WDFY3: variants seen among roughly 807,000 people sequenced by gnomAD.
WDFY3 encodes WD repeat and FYVE domain-containing protein 3.
Under a neutral mutation model 409.6 loss-of-function variants are expected in WDFY3, and 66 were observed. That is an observed-to-expected ratio of 0.16 (90% CI 0.13 to 0.20). The LOEUF (loss-of-function observed/expected upper bound fraction) is 0.20, where lower values mean the gene tolerates loss of function less well. WDFY3 is among the 10% of genes least tolerant of loss of function. The pLI is 1.00. For missense variants in WDFY3, 3,031 were observed against 4,298.1 expected (o/e 0.71, Z 8.24); for synonymous variants, 1,521 against 1,537.1 (o/e 0.99, Z 0.25).
At chr4:84,940,934 T>C (rs1320897923) in intron 1 of WDFY3, among the ~76,000 whole-genome samples, 5 of 152,146 alleles carry the variant, frequency 3.3e-5, no homozygotes, top group African/African-American at 4.8e-5. Flanking sequence ...ATAATCTCAA[T>C]AGATATTTTA....
chr4:84,901,892 G>A (rs1277238106), intron 2 of WDFY3, among the ~76,000 whole-genome samples: 1 of 152,182 alleles, frequency 6.6e-6, no homozygotes, highest in Non-Finnish European at 1.5e-5. Flanking sequence ...GTTGATATCT[G>A]AGGGTGAATA....
Position 84,786,038 on chromosome 4 carries a change from T to C in WDFY3, c.4003A>G (p.Thr1335Ala). Residue 1335 changes from threonine (T) to alanine (A), a missense_variant, in exon 24 of 68, where the codon ACA becomes GCA. Around this residue, in one of 16 missense-constraint regions of WDFY3, gnomAD observed 1,322 missense variants for 1,697.9 expected, o/e 0.78. Coordinates refer to ENST00000295888, the MANE Select transcript of WDFY3 (RefSeq NM_014991.6). The part of the protein sequence containing the change: ...GLYALSVSSL[T>A]VARIRKVYNK... ...TACACTTTCCGGATTCTTGCCACTG[T>C]TAGAGACGACACAGAGAGTGCATAG... The C allele has an allele frequency of 6.2e-7, 1 of 1,614,060 alleles. No homozygotes were observed. The highest frequency in any genetic ancestry group is 8.5e-7 in the Non-Finnish European group (1 of 1,179,974).
In WDFY3 at chr4:84,829,203, ATAAT is replaced by A; in HGVS notation, c.770-17_770-14del. ...AAACACTCTTTCTCTGTAAGAATAG[ATAAT>A]TAAATAAATATGCATTATTCCTGAC... On this transcript the variant is annotated splice_polypyrimidine_tract_variant and intron_variant, in intron 8 of 67. Transcript: ENST00000295888. 1.3e-6 allele frequency: 2 copies of A among 1,518,560 alleles called. No individual in the cohort carries two copies. The highest frequency in any genetic ancestry group is 2.3e-5 in the East Asian group (1 of 43,122). The allele number at this position is 1,518,560 out of a possible 1,614,324, so 94.1% of individuals were successfully genotyped here.
At chr4:84,718,607 T>G in intron 47 of WDFY3, 37 bp from the exon 48 acceptor site, 1 of 1,587,384 alleles carries the variant, frequency 6.3e-7, no homozygotes, top group Non-Finnish European at 8.6e-7. Flanking sequence ...TAATATAGGC[T>G]TTTTGTAAAG....
intron 4 of WDFY3, among the ~76,000 whole-genome samples, chr4:84,858,489 CACA>C (rs1461438717): frequency 6.6e-5 from 10 of 151,754 alleles, no homozygotes; most frequent in Non-Finnish European, 1.3e-4. Context: ...ATATTAATAG[CACA>C]ACATTACTCT....
At chr4:84,907,521 C>G (rs1012141095) in intron 2 of WDFY3, among the ~76,000 whole-genome samples, 7 of 152,162 alleles carry the variant, frequency 4.6e-5, no homozygotes, top group Non-Finnish European at 7.3e-5. Flanking sequence ...AAGTGATCCT[C>G]TAGTCCCAGT....
chr4:84,802,337 G>A (rs1750738075), intron 16 of WDFY3, among the ~76,000 whole-genome samples: 1 of 146,332 alleles, frequency 6.8e-6, no homozygotes, highest in Non-Finnish European at 1.5e-5. Flanking sequence ...TCGGCTCACT[G>A]CAACCTCCGC....
chr4:84,963,267 T>A (rs905346285), intron 1 of WDFY3, among the ~76,000 whole-genome samples: 1 of 151,072 alleles, frequency 6.6e-6, no homozygotes, highest in African/African-American at 2.4e-5. Context: ...CCACTAAAAA[T>A]ACAAAAATTA....
At chr4:84,722,949 G>T (rs979602745) in intron 46 of WDFY3, among the ~76,000 whole-genome samples, 2 of 152,166 alleles carry the variant, frequency 1.3e-5, no homozygotes, top group Non-Finnish European at 2.9e-5. Flanking sequence ...GCTTACAGCT[G>T]CTTTATTTTT....
intron 38 of WDFY3, 136 bp downstream of exon 38, chr4:84,741,625 C>T (rs1738445422): frequency 1.9e-6 from 2 of 1,070,556 alleles, no homozygotes; most frequent in Non-Finnish European, 1.3e-6. Flanking sequence ...TGTCTCTATT[C>T]ACTTTTAATA....
At chr4:84,685,664 T>C (rs764489390) in intron 62 of WDFY3, among the ~76,000 whole-genome samples, 13 of 152,206 alleles carry the variant, frequency 8.5e-5, no homozygotes, top group African/African-American at 7.2e-5. Context: ...CAAAGTGGCT[T>C]TGGCCTGAAG....
chr4:84,897,898 TAAC>T (rs1765850916), intron 2 of WDFY3, among the ~76,000 whole-genome samples: 1 of 152,182 alleles, frequency 6.6e-6, no homozygotes, highest in Admixed American at 6.5e-5. Flanking sequence ...TATTTAGAGA[TAAC>T]AACTATTAAA....
At position 84,932,286 on chromosome 4, in the gene WDFY3, G is replaced by A. The variant is rs1770862361; in HGVS notation, c.-148C>T. The A allele has an allele frequency of 6.6e-6, 1 of 152,082 alleles. No homozygotes were observed. Among genetic ancestry groups the A allele is most frequent in the Non-Finnish European group, 1.5e-5 (1 of 68,030 alleles). The allele number at this position is 152,082 out of a possible 1,614,324, so 9.4% of individuals were successfully genotyped here. On this transcript the variant is annotated 5_prime_UTR_variant, in exon 2 of 68. Transcript: ENST00000295888. ...AAAACTGACCTGATTCTCTGTTCTG[G>A]GCTGGCATGAACCTGCTTAGAAATG...
chr4:84,907,637 CTG>C (rs1409353331), intron 2 of WDFY3, among the ~76,000 whole-genome samples: 2 of 152,172 alleles, frequency 1.3e-5, no homozygotes, highest in African/African-American at 4.8e-5. Flanking sequence ...CCCACAGACA[CTG>C]TGAGATAATA....
chr4:84,800,917 G>A (rs759671681), intron 17 of WDFY3, among the ~76,000 whole-genome samples: 23 of 152,070 alleles, frequency 1.5e-4, no homozygotes, highest in Non-Finnish European at 5.9e-5. Flanking sequence ...CCTGCTGTGC[G>A]GCCCAGTTCC....
At chr4:84,679,841 T>TATATATATATATATATACACACACAC (rs1235574031) in intron 64 of WDFY3, among the ~76,000 whole-genome samples, 10 of 141,254 alleles carry the variant, frequency 7.1e-5, no homozygotes, top group African/African-American at 2.6e-4. Flanking sequence ...TATATATATA[T>TATATATATATATATATACACACACAC]ACACACACAC....
chr4:84,760,511 C>A (rs995110226), intron 32 of WDFY3, among the ~76,000 whole-genome samples: 1 of 152,136 alleles, frequency 6.6e-6, no homozygotes, highest in Non-Finnish European at 1.5e-5. Flanking sequence ...AGAGATTCAA[C>A]TTTTTCCTGG....
At chr4:84,866,854 G>T (rs1761467647) in intron 3 of WDFY3, among the ~76,000 whole-genome samples, 1 of 152,166 alleles carries the variant, frequency 6.6e-6, no homozygotes, top group African/African-American at 2.4e-5. Context: ...TCACACTTCA[G>T]GCCTGCTCTC....
At chr4:84,728,038 T>A (rs906004507) in intron 44 of WDFY3, among the ~76,000 whole-genome samples, 1 of 151,156 alleles carries the variant, frequency 6.6e-6, no homozygotes, top group Admixed American at 6.6e-5. Context: ...AAATCCAACA[T>A]TAAAAAAAGA....
Sources: allele counts gnomAD v4.1 joint callset (sites outside exome capture counted in the v4.1 genomes callset), GRCh38; gene constraint gnomAD v4.1.1; regional missense constraint gnomAD v4.1.1; transcripts MANE v1.5; gene names NCBI Gene and HGNC (gene_info 2026-07-23, HGNC 2026-07-21).